Variants in UNC13C observed in about 807,000 individuals in gnomAD.
UNC13C encodes the protein protein unc-13 homolog C.
A neutral mutation model predicts 245.4 loss-of-function variants in UNC13C; 174 were observed. The ratio of observed to expected loss-of-function variants is 0.71; its 90% CI spans 0.63 to 0.80. The LOEUF is 0.80. Among genes scored for constraint, UNC13C ranks in the 30% least tolerant of loss-of-function variants. UNC13C has a pLI of 0.00. For synonymous variants in UNC13C, 992 were observed against 895.1 expected, an observed-to-expected ratio of 1.11 and a Z score of -1.93; for missense variants, 2,829 against 2,602.9, an observed-to-expected ratio of 1.09 and a Z score of -1.89.
intron 17 of UNC13C, among the ~76,000 whole-genome samples, chr15:54,364,931 T>A (rs1444681092): frequency 1.3e-5 from 2 of 152,200 alleles, no homozygotes; most frequent in Non-Finnish European, 2.9e-5. Context: ...ACTGTGCAGA[T>A]GAATGCTTTT....
At chr15:54,070,288 C>T (rs1000548315) in intron 2 of UNC13C, among the ~76,000 whole-genome samples, 1 of 152,096 alleles carries the variant, frequency 6.6e-6, no homozygotes, top group South Asian at 2.1e-4. Context: ...ACTTCATCAC[C>T]CTCAAGGACC....
At chr15:54,291,097 C>A (rs1419324444) in intron 10 of UNC13C, among the ~76,000 whole-genome samples, 1 of 151,918 alleles carries the variant, frequency 6.6e-6, no homozygotes, top group African/African-American at 2.4e-5. Flanking sequence ...TTTTTGATAG[C>A]AAAGAACTTA....
At chr15:54,484,740 G>T (rs1463578908) in intron 19 of UNC13C, among the ~76,000 whole-genome samples, 1 of 152,018 alleles carries the variant, frequency 6.6e-6, no homozygotes, top group African/African-American at 2.4e-5. Flanking sequence ...ACCAAAAAGA[G>T]AAATTCCTAC....
At chr15:53,975,167 C>T (rs1893656863), upstream of UNC13C, among the ~76,000 whole-genome samples, 2 of 152,170 alleles carry the variant, frequency 1.3e-5, no homozygotes, top group Admixed American at 1.3e-4. Context: ...TTTAAAGTGA[C>T]CCATACTTTA....
intron 16 of UNC13C, 54 bp downstream of exon 16, chr15:54,333,910 C>T: frequency 3.0e-6 from 4 of 1,350,984 alleles, no homozygotes; most frequent in Middle Eastern, 1.8e-4. Context: ...TACATTCATC[C>T]CCTGGTAAAG....
intron 2 of UNC13C, among the ~76,000 whole-genome samples, chr15:54,089,977 C>T (rs541521378): frequency 1.2e-3 from 180 of 152,302 alleles, no homozygotes; most frequent in African/African-American, 4.2e-3. Context: ...TGCAGCAGAG[C>T]TCTGACCCAT....
At chr15:53,878,090 C>T in the UNC13C span, among the ~76,000 whole-genome samples, 3 of 152,176 alleles carry the variant, frequency 2.0e-5, no homozygotes, top group East Asian at 3.9e-4. Flanking sequence ...ATGAAACTTG[C>T]ATTTTTTAAA....
chr15:54,618,223 T>C (rs1900567264), intron 30 of UNC13C, among the ~76,000 whole-genome samples: 2 of 152,044 alleles, frequency 1.3e-5, no homozygotes, highest in Admixed American at 1.3e-4. Context: ...TGAAGAGAAG[T>C]TCAAATAAAG....
chr15:54,255,753 C>T (rs940627277), intron 8 of UNC13C, among the ~76,000 whole-genome samples: 1 of 152,176 alleles, frequency 6.6e-6, no homozygotes, highest in Non-Finnish European at 1.5e-5. Context: ...GAGGCCCAGG[C>T]GTGGAGCCCT....
chr15:54,235,793 T>C lies in UNC13C; in HGVS notation c.3151-637T>C, dbSNP rs1436077246. On this transcript the variant is annotated intron_variant, in intron 5 of 32. Coordinates refer to ENST00000260323, the MANE Select transcript of UNC13C (RefSeq NM_001080534.3). The stretch of plus-strand genomic sequence containing the variant: ...GTGAACCCGGGAGGCGGAGCTTGCG[T>C]GAGCCGAGATTGCGCCACTGCACTC... 1.1e-4 allele frequency among the ~76,000 whole-genome samples: 16 copies of C among 152,234 alleles called. No individual in the cohort carries two copies. In the East Asian group the frequency reaches 2.9e-3, roughly 28 times the overall value.
At chr15:54,304,253 G>A (rs1414798643) in intron 13 of UNC13C, among the ~76,000 whole-genome samples, 2 of 152,034 alleles carry the variant, frequency 1.3e-5, no homozygotes, top group Non-Finnish European at 2.9e-5. Context: ...GGGCATGAGG[G>A]CCATAGATTC....
intron 1 of UNC13C, among the ~76,000 whole-genome samples, chr15:53,982,920 T>G (rs961461043): frequency 6.6e-6 from 1 of 152,190 alleles, no homozygotes; most frequent in African/African-American, 2.4e-5. Context: ...TCTGACTTGC[T>G]TCTCCTGAGA....
chr15:54,170,192 G>A (rs1595941226), intron 4 of UNC13C, among the ~76,000 whole-genome samples: 1 of 151,872 alleles, frequency 6.6e-6, no homozygotes, highest in East Asian at 1.9e-4. Flanking sequence ...TGATACTTAC[G>A]TCTGATAGTG....
chr15:54,365,101 C>G (rs1172007405), intron 17 of UNC13C, among the ~76,000 whole-genome samples: 2 of 152,046 alleles, frequency 1.3e-5, no homozygotes, highest in African/African-American at 4.8e-5. Flanking sequence ...CCCGTCAGAT[C>G]TGCAAAGCTG....
chr15:53,938,545 A>G, the UNC13C span, among the ~76,000 whole-genome samples: 148 of 152,294 alleles, frequency 9.7e-4, 2 homozygotes, highest in African/African-American at 3.4e-3. Flanking sequence ...CCCCCAAACA[A>G]CAAAATACAC....
At chr15:53,979,269 A>G (rs1893827788) in intron 1 of UNC13C, among the ~76,000 whole-genome samples, 1 of 152,226 alleles carries the variant, frequency 6.6e-6, no homozygotes, top group South Asian at 2.1e-4. Flanking sequence ...GGAAGAAAAA[A>G]ATAGAGCTCA....
At chr15:54,289,398 G>C (rs1211371292) in intron 10 of UNC13C, among the ~76,000 whole-genome samples, 1 of 152,068 alleles carries the variant, frequency 6.6e-6, no homozygotes, top group East Asian at 1.9e-4. Flanking sequence ...TTGACCAGCT[G>C]TTTTGCAATT....
intron 30 of UNC13C, among the ~76,000 whole-genome samples, chr15:54,568,410 T>C (rs948835913): frequency 5.3e-5 from 8 of 152,082 alleles, no homozygotes; most frequent in Non-Finnish European, 1.0e-4. Flanking sequence ...GCTCATTTCA[T>C]ATGAAAAAAA....
chr15:54,334,991 T>C (rs1305674766), intron 16 of UNC13C, among the ~76,000 whole-genome samples: 2 of 151,630 alleles, frequency 1.3e-5, no homozygotes, highest in East Asian at 1.9e-4. Context: ...AAAAAAAAAA[T>C]AGGAGGAAAG....
Sources: allele counts gnomAD v4.1 joint callset (sites outside exome capture counted in the v4.1 genomes callset), GRCh38; gene constraint gnomAD v4.1.1; transcripts MANE v1.5; gene names NCBI Gene and HGNC (gene_info 2026-07-23, HGNC 2026-07-21).